Variants in RHBDD1 observed in about 807,000 individuals in gnomAD.
RHBDD1 encodes rhomboid-related protein 4.
RHBDD1 carries 38 observed loss-of-function variants against 36.3 expected under a neutral mutation model. That is an observed-to-expected ratio of 1.05 (90% CI 0.81 to 1.37). The LOEUF (loss-of-function observed/expected upper bound fraction) is 1.37, where lower values mean the gene tolerates loss of function less well. Ranked by LOEUF, RHBDD1 falls within the 40% of genes most tolerant of loss-of-function variation. The probability of loss-of-function intolerance (pLI) is 0.00; values close to 1 mark genes in which losing one functional copy is unlikely to be tolerated. For synonymous variants in RHBDD1, 151 were observed against 136.5 expected (o/e 1.11, Z -0.74); for missense variants, 393 against 377.6 (o/e 1.04, Z -0.34).
At chr2:226,819,779 T>C in the RHBDD1 span, among the ~76,000 whole-genome samples, 1 of 152,196 alleles carries the variant, frequency 6.6e-6, no homozygotes, top group Admixed American at 6.5e-5. Context: ...TATTGCTCAG[T>C]AGAACCTTGA....
chr2:226,870,863 TGAGGAG>T (rs957026516), intron 5 of RHBDD1, among the ~76,000 whole-genome samples: 3 of 151,806 alleles, frequency 2.0e-5, no homozygotes, highest in Non-Finnish European at 4.4e-5. Context: ...ATCTTCACAT[TGAGGAG>T]GAGGAGGAGG....
chr2:226,801,638 G>A, the RHBDD1 span, among the ~76,000 whole-genome samples: 4 of 152,026 alleles, frequency 2.6e-5, no homozygotes, highest in Non-Finnish European at 5.9e-5. Flanking sequence ...TTGGTGATGT[G>A]GGCACACGTG....
rs569886442 is a variant in RHBDD1 at position 226,944,720 on chromosome 2, A to AT, written c.856+30372dup. ...ATATTATAATATTTTCTGTCACCTT[A>AT]TTTGGCTTAAAGATTGACAGAATAC... is the stretch of plus-strand genomic sequence containing the variant. On this transcript the variant is annotated intron_variant, in intron 8 of 8. Coordinates refer to ENST00000392062, the MANE Select transcript of RHBDD1 (RefSeq NM_001167608.3). Among the ~76,000 whole-genome samples, 230 of 152,244 alleles carry AT rather than the reference A, an allele frequency of 1.5e-3. 2 individuals are homozygous for AT. Among genetic ancestry groups the AT allele is most frequent in the African/African-American group, 5.5e-3 (228 of 41,554 alleles).
At chr2:226,970,407 T>C (rs1438325467) in intron 8 of RHBDD1, among the ~76,000 whole-genome samples, 1 of 152,192 alleles carries the variant, frequency 6.6e-6, no homozygotes, top group African/African-American at 2.4e-5. Context: ...TCCCCCCTTT[T>C]TAACCTTTGT....
intron 8 of RHBDD1, among the ~76,000 whole-genome samples, chr2:226,965,607 G>C (rs750408908): frequency 6.6e-6 from 1 of 152,184 alleles, no homozygotes; most frequent in Middle Eastern, 3.2e-3. Context: ...TTGTGAGAGA[G>C]AGAAGTGAAG....
chr2:226,915,654 A>G (rs1030648493), intron 8 of RHBDD1, among the ~76,000 whole-genome samples: 3 of 152,218 alleles, frequency 2.0e-5, no homozygotes, highest in African/African-American at 7.2e-5. Flanking sequence ...CTTAGTAGCA[A>G]CAGTGTGCAT....
intron 8 of RHBDD1, among the ~76,000 whole-genome samples, chr2:226,924,092 C>A (rs1949511832): frequency 6.6e-6 from 1 of 152,120 alleles, no homozygotes; most frequent in Non-Finnish European, 1.5e-5. Flanking sequence ...TCCCCAAAGC[C>A]ACCATATTGG....
intron 8 of RHBDD1, among the ~76,000 whole-genome samples, chr2:226,969,333 G>C (rs1324045982): frequency 1.3e-5 from 2 of 149,266 alleles, no homozygotes; most frequent in African/African-American, 4.9e-5. Context: ...CTGTATATAA[G>C]TCTGTGCCCA....
At chr2:226,944,317 C>T (rs1004456894) in intron 8 of RHBDD1, among the ~76,000 whole-genome samples, 1 of 152,142 alleles carries the variant, frequency 6.6e-6, no homozygotes, top group African/African-American at 2.4e-5. Context: ...TGTTTTGTAG[C>T]TGCTTGAACC....
chr2:226,902,600 C>T (rs967335571), intron 5 of RHBDD1, among the ~76,000 whole-genome samples: 7 of 152,098 alleles, frequency 4.6e-5, no homozygotes, highest in South Asian at 2.1e-4. Flanking sequence ...AATTCATTCT[C>T]CTGTTTTTTT....
intron 8 of RHBDD1, among the ~76,000 whole-genome samples, chr2:226,958,878 C>T (rs1489084567): frequency 6.6e-6 from 1 of 152,102 alleles, no homozygotes; most frequent in African/African-American, 2.4e-5. Flanking sequence ...TAGAGCTAGA[C>T]ATAAGACATT....
intron 5 of RHBDD1, among the ~76,000 whole-genome samples, chr2:226,904,301 C>A (rs1472841259): frequency 3.9e-5 from 6 of 152,090 alleles, no homozygotes; most frequent in Admixed American, 3.3e-4. Flanking sequence ...AGCCTAGGGG[C>A]ACTCATCCCA....
At chr2:226,950,873 C>T (rs1251614348) in intron 8 of RHBDD1, among the ~76,000 whole-genome samples, 1 of 152,130 alleles carries the variant, frequency 6.6e-6, no homozygotes, top group Non-Finnish European at 1.5e-5. Flanking sequence ...TATACTAATG[C>T]ATTATCAGAT....
the RHBDD1 span, among the ~76,000 whole-genome samples, chr2:226,802,148 G>A: frequency 6.6e-6 from 1 of 151,966 alleles, no homozygotes; most frequent in African/African-American, 2.4e-5. Context: ...TTCATAGGAA[G>A]GATTTTGATC....
At chr2:226,920,214 G>A (rs1007025569) in intron 8 of RHBDD1, among the ~76,000 whole-genome samples, 1 of 151,930 alleles carries the variant, frequency 6.6e-6, no homozygotes, top group African/African-American at 2.4e-5. Flanking sequence ...TTAGCATATT[G>A]AAATGCTGCT....
chr2:226,912,030 T>A (rs1339215483), intron 7 of RHBDD1, among the ~76,000 whole-genome samples: 2 of 151,988 alleles, frequency 1.3e-5, no homozygotes, highest in Non-Finnish European at 2.9e-5. Flanking sequence ...GTTAGAAGAG[T>A]TTTTTCACAA....
At chr2:226,909,008 C>A in intron 7 of RHBDD1, 130 bp downstream of exon 7, 1 of 622,656 alleles carries the variant, frequency 1.6e-6, no homozygotes, top group Non-Finnish European at 2.9e-6. Flanking sequence ...GTAACTGTGC[C>A]TCTAACACAC....
chr2:226,815,379 A>G, the RHBDD1 span, among the ~76,000 whole-genome samples: 2 of 152,332 alleles, frequency 1.3e-5, no homozygotes, highest in East Asian at 3.8e-4. Flanking sequence ...ATGCTTTCCT[A>G]GAATCTTCCT....
chr2:226,891,989 G>T (rs1946728150), intron 5 of RHBDD1, among the ~76,000 whole-genome samples: 1 of 152,196 alleles, frequency 6.6e-6, no homozygotes, highest in Non-Finnish European at 1.5e-5. Flanking sequence ...TGCACCTCTT[G>T]AGCCTCCACT....
Sources: gnomAD v4.1 joint callset for allele counts (sites outside exome capture counted in the v4.1 genomes callset) on GRCh38, gnomAD v4.1.1 for gene constraint, MANE v1.5 for transcripts, NCBI Gene and HGNC (gene_info 2026-07-23, HGNC 2026-07-21) for gene names.